The following PLEKHM2 variants were observed in gnomAD, a reference collection of about 807,000 sequenced individuals.
PLEKHM2 encodes pleckstrin homology domain-containing family M member 2.
In PLEKHM2, 77 loss-of-function variants were observed where a neutral mutation model predicts 116.3. The ratio of observed to expected loss-of-function variants is 0.66; its 90% CI spans 0.55 to 0.80. The LOEUF is 0.80. Among genes scored for constraint, PLEKHM2 ranks in the 30% least tolerant of loss-of-function variants. PLEKHM2 has a pLI of 0.00. For missense variants in PLEKHM2, 1,183 were observed against 1,354.9 expected, an observed-to-expected ratio of 0.87 and a Z score of 1.99; for synonymous variants, 562 against 571.0, an observed-to-expected ratio of 0.98 and a Z score of 0.22.
At position 15,716,786 on chromosome 1, in the gene PLEKHM2, C is replaced by G; in HGVS notation, c.247C>G (p.Leu83Val). 2 of 1,571,704 alleles carry G rather than the reference C, an allele frequency of 1.3e-6. No individual in the cohort carries two copies. Among genetic ancestry groups the G allele is most frequent in the Non-Finnish European group, 1.7e-6 (2 of 1,158,432 alleles). ...RREAIKQIEV[L>V]QHVATNLGRS... ...AGAGGCCATCAAGCAGATCGAGGTG[C>G]TGCAGCACGTGGCCACCAACCTGGG... Residue 83 changes from leucine to valine, a missense_variant, in exon 3 of 20, where the codon CTG becomes GTG. Leu to Val is a conservative substitution (Grantham distance 32, BLOSUM62 1). Around this residue, in one of 3 missense-constraint regions of PLEKHM2, gnomAD observed 217 missense variants for 277.6 expected, o/e 0.78. Transcript: ENST00000375799.
At chr1:15,686,648 A>ATTTTTTTTTTTTT (rs1233033159) in intron 1 of PLEKHM2, among the ~76,000 whole-genome samples, 10 of 134,218 alleles carry the variant, frequency 7.5e-5, no homozygotes, top group African/African-American at 3.0e-4. Context: ...ACCCGGCTAA[A>ATTTTTTTTTTTTT]TTTTTTTTTT....
rs1025077843 is a variant in PLEKHM2 at position 15,684,715 on chromosome 1, C to T, written c.60+97C>T. 4.5e-5 allele frequency: 16 copies of T among 358,058 alleles called. No individual in the cohort carries two copies. The African/African-American group carries it at 1.1e-3, about 24-fold the overall frequency. The allele number at this position is 358,058 out of a possible 1,614,324, so 22.2% of individuals were successfully genotyped here. A position where few individuals can be genotyped will look rare whatever the true frequency, so the allele number is the denominator to read the frequency against. On this transcript the variant is annotated intron_variant, in intron 1 of 19. Coordinates refer to ENST00000375799, the MANE Select transcript of PLEKHM2 (RefSeq NM_015164.4). ...CCGGGCCGGGGCCCCCCGCCCTTCC[C>T]CTCCGCGACCCGGGGGGCGACGAGC... is the stretch of plus-strand genomic sequence containing the variant.
chr1:15,704,405 G>A (rs1641180478), intron 1 of PLEKHM2, among the ~76,000 whole-genome samples: 1 of 147,842 alleles, frequency 6.8e-6, no homozygotes, highest in Non-Finnish European at 1.5e-5. Flanking sequence ...GCATACCGAA[G>A]CCCCATGTTC....
At position 15,728,985 on chromosome 1, in the gene PLEKHM2, G is replaced by T. The variant is rs1349332140; in HGVS notation, c.1987-117G>T. 2.1e-6 allele frequency: 2 copies of T among 961,304 alleles called. No homozygotes were observed. The highest frequency in any genetic ancestry group is 3.2e-6 in the Non-Finnish European group (2 of 622,144). 59.5% of individuals were successfully genotyped at this position (961,304 alleles called of 1,614,324 possible). ...GCCCCTGGCCTCTGGGGCTTTACTT[G>T]GTGGTGGCCCGGGGTGTGCTTCTTC... On this transcript the variant is annotated intron_variant, in intron 12 of 19. Transcript: ENST00000375799. The surrounding 1 kb of genome is among the most constrained non-coding windows in gnomAD (Gnocchi z 5.9).
At chr1:15,698,220 TA>T (rs1641038164) in intron 1 of PLEKHM2, among the ~76,000 whole-genome samples, 1 of 151,862 alleles carries the variant, frequency 6.6e-6, no homozygotes, top group Non-Finnish European at 1.5e-5. Context: ...TTTTATTTTT[TA>T]TTTTTAGAGA....
At chr1:15,715,313 G>T (rs1641422347) in intron 1 of PLEKHM2, among the ~76,000 whole-genome samples, 1 of 152,214 alleles carries the variant, frequency 6.6e-6, no homozygotes, top group Non-Finnish European at 1.5e-5. Context: ...TCACACCACT[G>T]CACTCCAGCC....
rs1159863100 is a variant in PLEKHM2, at chr1:15,727,600, G to A, written c.1528G>A (p.Glu510Lys). 3.2e-6 allele frequency: 5 copies of A among 1,583,474 alleles called. No individual in the cohort carries two copies. Among genetic ancestry groups the A allele is most frequent in the Non-Finnish European group, 4.3e-6 (5 of 1,165,498 alleles). Residue 510 changes from glutamate to lysine, a missense_variant, in exon 9 of 20, where the codon GAG becomes AAG. By Grantham distance (56) the Glu-to-Lys change is moderately conservative (BLOSUM62 1). This residue lies in a region of PLEKHM2 where 594 missense variants were observed against 720.1 expected (regional missense o/e 0.82). Coordinates refer to ENST00000375799, the MANE Select transcript of PLEKHM2 (RefSeq NM_015164.4). The surrounding 1 kb of genome is among the most constrained non-coding windows in gnomAD (Gnocchi z 7.5). ...AGQEEEGGGG[E>K]GQTPRPLEDT... is the part of the protein sequence containing the mutation. ...CCAAGAAGAAGAGGGAGGAGGAGGA[G>A]AGGGACAGACGCCTCGGCCCCTAGA...
At chr1:15,701,963 G>C (rs183091785) in intron 1 of PLEKHM2, among the ~76,000 whole-genome samples, 5 of 152,168 alleles carry the variant, frequency 3.3e-5, no homozygotes, top group African/African-American at 4.8e-5. Flanking sequence ...GGGGGTAGTC[G>C]TTATGGTGGC....
In PLEKHM2 at chr1:15,729,140, C is replaced by T. The variant is rs563348039; in HGVS notation, c.2025C>T (p.Thr675=). 8 of 1,612,008 alleles carry T rather than the reference C, an allele frequency of 5.0e-6. No homozygotes were observed. Among genetic ancestry groups the T allele is most frequent in the African/African-American group, 2.7e-5 (2 of 75,034 alleles). ...LDQQTVKLVC[T]NRRKQFLLDT... is the part of the protein sequence containing the mutation. ...AGCAGACGGTGAAGCTGGTGTGCAC[C>T]AACCGCAGGAAGCAGTTTCTGCTGG... Residue 675 remains threonine (T), a synonymous_variant, in exon 13 of 20, where the codon ACC becomes ACT. Coordinates refer to ENST00000375799, the MANE Select transcript of PLEKHM2 (RefSeq NM_015164.4). The surrounding 1 kb of genome is among the most constrained non-coding windows in gnomAD (Gnocchi z 4.7).
chr1:15,722,790 C>G (rs41378647), intron 7 of PLEKHM2: 29,867 of 152,094 alleles, frequency 0.2, 3,128 homozygotes, highest in African/African-American at 0.25. Context: ...ATCATGTACC[C>G]TCTTAGCCCC....
intron 16 of PLEKHM2, among the ~76,000 whole-genome samples, chr1:15,731,670 G>C (rs1396195764): frequency 6.6e-6 from 1 of 152,136 alleles, no homozygotes; most frequent in Non-Finnish European, 1.5e-5. Context: ...GAGGATCTTG[G>C]GCATCCTGGA....
At chr1:15,691,179 C>G (rs1640881255) in intron 1 of PLEKHM2, among the ~76,000 whole-genome samples, 1 of 152,176 alleles carries the variant, frequency 6.6e-6, no homozygotes. Flanking sequence ...AAGCGATTCT[C>G]CCGCCTCAGC....
rs771760241 is a variant in PLEKHM2 at position 15,731,928 on chromosome 1, G to A, written c.2505G>A (p.Thr835=). The part of the protein sequence containing the change: ...QCGGCRRANT[T]DRPHAFQVIL... ...GTGGCTGCCGGAGAGCCAACACCACGGATCGGCCCCACGCCTTCCAGGTCA... is the reference window on the plus strand; with the variant it reads ...GTGGCTGCCGGAGAGCCAACACCACAGATCGGCCCCACGCCTTCCAGGTCA... The change falls in exon 17 of 20, where the codon ACG becomes ACA. Residue 835 remains threonine (T), a synonymous_variant. Coordinates refer to ENST00000375799, the MANE Select transcript of PLEKHM2 (RefSeq NM_015164.4). 15 of 1,611,452 alleles carry A rather than the reference G, an allele frequency of 9.3e-6. No homozygotes were observed. The highest frequency in any genetic ancestry group is 1.1e-5 in the Non-Finnish European group (13 of 1,179,328).
chr1:15,726,880 C>G (rs1364053761), intron 8 of PLEKHM2, 134 bp from the exon 9 acceptor site: 2 of 572,592 alleles, frequency 3.5e-6, no homozygotes, highest in African/African-American at 3.8e-5. Context: ...CCACCCAGCA[C>G]TGCCTAGGAC....
At position 15,731,990 on chromosome 1, in the gene PLEKHM2, A is replaced by G; in HGVS notation, c.2567A>G (p.Glu856Gly). ...SDRPCLELSAESEAEMAEWMQ... is the reference protein window; with the variant it reads ...SDRPCLELSAGSEAEMAEWMQ... ...CGGCCCTGCCTGGAGCTAAGTGCCG[A>G]GAGCGAGGCCGAGATGGCCGAGTGG... The change falls in exon 17 of 20, where the codon GAG (glutamate) becomes GGG (glycine). Residue 856 changes from glutamate to glycine, a missense_variant. Transcript: ENST00000375799. The G allele has an allele frequency of 6.2e-7, 1 of 1,612,450 alleles. No individual in the cohort carries two copies. Among genetic ancestry groups the G allele is most frequent in the South Asian group, 1.1e-5 (1 of 91,056 alleles).
intron 7 of PLEKHM2, among the ~76,000 whole-genome samples, chr1:15,723,855 T>C (rs1339050760): frequency 6.6e-6 from 1 of 151,188 alleles, no homozygotes; most frequent in Admixed American, 6.6e-5. Flanking sequence ...AGTGGGGCTG[T>C]GGGGTGCATG....
chr1:15,685,363 A>G (rs945027432), intron 1 of PLEKHM2, among the ~76,000 whole-genome samples: 2 of 152,136 alleles, frequency 1.3e-5, no homozygotes, highest in African/African-American at 4.8e-5. Flanking sequence ...TAGAAGGTAG[A>G]ATCCATATTC....
rs371108077 is a variant in PLEKHM2 at position 15,708,347 on chromosome 1, G to A, written c.61-7890G>A. 5.9e-5 allele frequency among the ~76,000 whole-genome samples: 9 copies of A among 152,054 alleles called. No individual in the cohort carries two copies. In the South Asian group the frequency reaches 1.7e-3, roughly 28 times the overall value. On this transcript the variant is annotated intron_variant, in intron 1 of 19. Transcript: ENST00000375799. ...TTCTTCTGCCTCAGCCTCCCGAGTAGCTGGGGCTACAGGTGCACACCACCA... is the reference window on the plus strand; with the variant it reads ...TTCTTCTGCCTCAGCCTCCCGAGTAACTGGGGCTACAGGTGCACACCACCA...
rs972960683 is a variant in PLEKHM2 at position 15,719,169 on chromosome 1, G to A, written c.465+544G>A. ...GTCCTAATCAAATGACCTTCCTTGGGCCAGGCGCAGTGGCTCACACCTATA... is the reference window on the plus strand; with the variant it reads ...GTCCTAATCAAATGACCTTCCTTGGACCAGGCGCAGTGGCTCACACCTATA... On this transcript the variant is annotated intron_variant, in intron 5 of 19. Transcript: ENST00000375799. The surrounding 1 kb of genome is among the most constrained non-coding windows in gnomAD (Gnocchi z 4.1). 3.4e-4 allele frequency among the ~76,000 whole-genome samples: 52 copies of A among 152,140 alleles called. No homozygotes were observed. The highest frequency in any genetic ancestry group is 1.2e-3 in the African/African-American group (51 of 41,426).
Sources: allele counts gnomAD v4.1 joint callset (sites outside exome capture counted in the v4.1 genomes callset), GRCh38; gene constraint gnomAD v4.1.1; regional missense constraint gnomAD v4.1.1; non-coding constraint Gnocchi (gnomAD v3.1); transcripts MANE v1.5; gene names NCBI Gene and HGNC (gene_info 2026-07-23, HGNC 2026-07-21).